Variants in L3MBTL1 observed in about 807,000 individuals in gnomAD.
L3MBTL1 encodes the protein lethal(3)malignant brain tumor-like protein 1.
Under a neutral mutation model 105.3 loss-of-function variants are expected in L3MBTL1, and 75 were observed. That is an observed-to-expected ratio of 0.71 (90% CI 0.59 to 0.86). L3MBTL1 has a LOEUF of 0.86. L3MBTL1 is among the 40% of genes least tolerant of loss of function. The pLI is 0.00. For missense variants in L3MBTL1, 1,069 were observed against 1,126.4 expected (o/e 0.95, Z 0.73); for synonymous variants, 452 against 436.2 (o/e 1.04, Z -0.45).
intron 7 of L3MBTL1, among the ~76,000 whole-genome samples, chr20:43,526,876 G>A (rs550272078): frequency 1.4e-4 from 22 of 152,328 alleles, no homozygotes; most frequent in African/African-American, 5.3e-4. Flanking sequence ...GAACCTGGGA[G>A]GCAGAAGCTG....
Position 43,514,995 on chromosome 20 carries a change from T to G in L3MBTL1, c.503-14T>G. 6.2e-7 allele frequency: 1 copy of G among 1,611,808 alleles called. No homozygotes were observed. Among genetic ancestry groups the G allele is most frequent in the Non-Finnish European group, 8.5e-7 (1 of 1,178,562 alleles). ...GATGGGGAGGGAGGCCTGAGGCCCA[T>G]TTGGCCCCCGCAGAGGACCACCCCC... On this transcript the variant is annotated splice_polypyrimidine_tract_variant and intron_variant, in intron 4 of 21. Transcript: ENST00000418998.
chr20:43,515,817 A>T, intron 6 of L3MBTL1: 1 of 479,104 alleles, frequency 2.1e-6, no homozygotes, highest in Non-Finnish European at 3.8e-6. Flanking sequence ...GAGCATCACA[A>T]AGGAAGTTTT....
chr20:43,543,365 T>C (rs942687441), downstream of L3MBTL1, among the ~76,000 whole-genome samples: 2 of 152,198 alleles, frequency 1.3e-5, no homozygotes, highest in African/African-American at 4.8e-5. Flanking sequence ...GGTCTTCGAA[T>C]GTAGTTGTTC....
chr20:43,533,678 G>A (rs1568925958), intron 13 of L3MBTL1, among the ~76,000 whole-genome samples: 4 of 152,232 alleles, frequency 2.6e-5, no homozygotes, highest in African/African-American at 7.2e-5. Flanking sequence ...GGAATCAGAA[G>A]TAAAGAAAAT....
At chr20:43,534,478 T>G in intron 15 of L3MBTL1, 84 bp downstream of exon 15, 1 of 1,071,182 alleles carries the variant, frequency 9.3e-7, no homozygotes, top group Non-Finnish European at 1.4e-6. Context: ...AGGGGCATCA[T>G]GGCATGAGAG....
chr20:43,544,560 T>C (rs907724303), downstream of L3MBTL1, among the ~76,000 whole-genome samples: 4 of 152,154 alleles, frequency 2.6e-5, no homozygotes, highest in Non-Finnish European at 5.9e-5. Flanking sequence ...GACCACAGAC[T>C]CTGGCCTTTG....
chr20:43,535,584 C>T (rs910501355), intron 16 of L3MBTL1, among the ~76,000 whole-genome samples: 5 of 152,192 alleles, frequency 3.3e-5, no homozygotes, highest in Non-Finnish European at 5.9e-5. Context: ...TCTTCTCCCC[C>T]AGAGTTCTCT....
At chr20:43,530,143 T>G in intron 9 of L3MBTL1, 141 bp from the exon 10 acceptor site, 1 of 965,882 alleles carries the variant, frequency 1.0e-6, no homozygotes, top group Non-Finnish European at 1.6e-6. Flanking sequence ...GGGGTACAAT[T>G]GGGAGGAAAG....
chr20:43,544,868 T>A (rs6030949), downstream of L3MBTL1, among the ~76,000 whole-genome samples: 149,248 of 152,258 alleles, frequency 0.98, 73,163 homozygotes, highest in East Asian at 1. Context: ...CGGGAGGCTG[T>A]GGCATGAGAA....
downstream of L3MBTL1, among the ~76,000 whole-genome samples, chr20:43,542,440 G>A (rs2145500056): frequency 6.6e-6 from 1 of 152,172 alleles, no homozygotes; most frequent in East Asian, 1.9e-4. Flanking sequence ...ACACACCGGG[G>A]TGCTGCTCCC....
rs148782490 is a variant in L3MBTL1, at chr20:43,525,073, C to G, written c.863-3584C>G. 6.5e-4 allele frequency among the ~76,000 whole-genome samples: 97 copies of G among 148,136 alleles called. 1 individual carries two copies. The East Asian group carries it at 0.016, about 25-fold the overall frequency. On this transcript the variant is annotated intron_variant, in intron 7 of 21. Coordinates refer to ENST00000418998, the MANE Select transcript of L3MBTL1 (RefSeq NM_001377303.1). ...AGATGGATATAGATCCAAGAGATAACTAGGAGTTGGAATCAGTAGAATGGA... is the reference window on the plus strand; with the variant it reads ...AGATGGATATAGATCCAAGAGATAAGTAGGAGTTGGAATCAGTAGAATGGA...
At chr20:43,543,154 T>TA, downstream of L3MBTL1, among the ~76,000 whole-genome samples, 1 of 152,290 alleles carries the variant, frequency 6.6e-6, no homozygotes, top group Non-Finnish European at 1.5e-5. Flanking sequence ...TCCACCCTAT[T>TA]AAATGTTATC....
chr20:43,518,793 G>C (rs1390194348), intron 7 of L3MBTL1, among the ~76,000 whole-genome samples: 1 of 144,464 alleles, frequency 6.9e-6, no homozygotes, highest in African/African-American at 2.6e-5. Flanking sequence ...CGGATCATGA[G>C]GTAGGAGTTT....
chr20:43,520,775 G>A (rs2018664309), intron 7 of L3MBTL1, among the ~76,000 whole-genome samples: 1 of 152,176 alleles, frequency 6.6e-6, no homozygotes, highest in Admixed American at 6.5e-5. Flanking sequence ...TACAAGGACT[G>A]CCATATGGAG....
chr20:43,510,589 G>C (rs886990898), intron 1 of L3MBTL1, among the ~76,000 whole-genome samples: 1 of 148,518 alleles, frequency 6.7e-6, no homozygotes, highest in Non-Finnish European at 1.5e-5. Flanking sequence ...TTATTTTTTT[G>C]TGTTTTTAGT....
At chr20:43,510,645 G>C (rs2018110113) in intron 1 of L3MBTL1, among the ~76,000 whole-genome samples, 1 of 151,128 alleles carries the variant, frequency 6.6e-6, no homozygotes, top group Non-Finnish European at 1.5e-5. Context: ...TTGAACTCCT[G>C]ACCTCAGGTG....
At position 43,525,513 on chromosome 20, in the gene L3MBTL1, C is replaced by T. The variant is rs114570614; in HGVS notation, c.863-3144C>T. On this transcript the variant is annotated intron_variant, in intron 7 of 21. Transcript: ENST00000418998. ...CCAGGATGGATTTTAGCCCCATTCACACCCTTGGCTGGGTACCTATGTATA... is the reference window on the plus strand; with the variant it reads ...CCAGGATGGATTTTAGCCCCATTCATACCCTTGGCTGGGTACCTATGTATA... Among the ~76,000 whole-genome samples, 543 of 152,342 alleles carry T rather than the reference C, an allele frequency of 3.6e-3. 4 individuals are homozygous for T. Among genetic ancestry groups the T allele is most frequent in the Middle Eastern group, 0.01 (3 of 294 alleles).
intron 6 of L3MBTL1, 169 bp from the exon 7 acceptor site, chr20:43,515,924 G>A: frequency 3.6e-6 from 2 of 548,396 alleles, no homozygotes; most frequent in East Asian, 6.1e-5. Flanking sequence ...TCAAGTGATA[G>A]GGGGATGTCT....
At chr20:43,513,788 A>G (rs565973523) in intron 2 of L3MBTL1, 50 bp from the exon 3 acceptor site, 1 of 1,539,884 alleles carries the variant, frequency 6.5e-7, no homozygotes, top group South Asian at 1.2e-5. Context: ...GGATTGAGGT[A>G]GGGCCACTAG....
Sources: allele counts gnomAD v4.1 joint callset (sites outside exome capture counted in the v4.1 genomes callset), GRCh38; gene constraint gnomAD v4.1.1; transcripts MANE v1.5; gene names NCBI Gene and HGNC (gene_info 2026-07-23, HGNC 2026-07-21).